Variants in HS6ST3 observed in about 807,000 individuals in gnomAD.
HS6ST3 encodes heparan-sulfate 6-O-sulfotransferase 3.
HS6ST3 carries 12 observed loss-of-function variants against 36.7 expected under a neutral mutation model. The ratio of observed to expected loss-of-function variants is 0.33; its 90% CI spans 0.21 to 0.53. HS6ST3 has a LOEUF of 0.53. Ranked by LOEUF, HS6ST3 falls within the 20% of genes least tolerant of loss-of-function variation. The probability of loss-of-function intolerance (pLI) is 0.95; values close to 1 mark genes in which losing one functional copy is unlikely to be tolerated. For synonymous variants in HS6ST3, 240 were observed against 257.5 expected (o/e 0.93, Z 0.65); for missense variants, 584 against 640.9 (o/e 0.91, Z 0.96).
At chr13:96,116,915 A>T (rs1282825126) in intron 1 of HS6ST3, among the ~76,000 whole-genome samples, 7 of 152,172 alleles carry the variant, frequency 4.6e-5, no homozygotes. Context: ...GAACATTTAT[A>T]TGAAGTAAGG....
chr13:96,184,296 T>A (rs182092371), intron 1 of HS6ST3, among the ~76,000 whole-genome samples: 4,027 of 151,254 alleles, frequency 0.027, 66 homozygotes, highest in East Asian at 0.076. Flanking sequence ...TTAAAAAAAA[T>A]TTTTTTAAGT....
chr13:96,503,727 T>C (rs1444322096), intron 1 of HS6ST3, among the ~76,000 whole-genome samples: 2 of 152,204 alleles, frequency 1.3e-5, no homozygotes, highest in Non-Finnish European at 2.9e-5. Flanking sequence ...TGCCATGCCA[T>C]GTGCTAACTA....
At chr13:96,382,161 T>C (rs939222820) in intron 1 of HS6ST3, among the ~76,000 whole-genome samples, 1 of 152,138 alleles carries the variant, frequency 6.6e-6, no homozygotes, top group Non-Finnish European at 1.5e-5. Context: ...CTAGAGGACC[T>C]TGTCAATGGA....
At chr13:96,665,323 G>A (rs1256497226) in intron 1 of HS6ST3, among the ~76,000 whole-genome samples, 1 of 152,238 alleles carries the variant, frequency 6.6e-6, no homozygotes, top group East Asian at 1.9e-4. Flanking sequence ...TAGCAATGGA[G>A]CTGGAGACAT....
chr13:96,485,093 T>G (rs1443067825), intron 1 of HS6ST3, among the ~76,000 whole-genome samples: 1 of 152,146 alleles, frequency 6.6e-6, no homozygotes, highest in African/African-American at 2.4e-5. Flanking sequence ...CATATAAACC[T>G]TAGAATCAGT....
chr13:96,354,661 A>G (rs2055200975), intron 1 of HS6ST3, among the ~76,000 whole-genome samples: 1 of 152,194 alleles, frequency 6.6e-6, no homozygotes, highest in Non-Finnish European at 1.5e-5. Flanking sequence ...TGTTACCATT[A>G]CAACAATGTA....
chr13:96,759,309 C>T (rs11841354), intron 1 of HS6ST3, among the ~76,000 whole-genome samples: 11,827 of 151,788 alleles, frequency 0.078, 834 homozygotes, highest in African/African-American at 0.18. Context: ...ATTATTTTAT[C>T]AGGTTTTAGT....
At chr13:96,294,690 T>C (rs1338361230) in intron 1 of HS6ST3, among the ~76,000 whole-genome samples, 1 of 152,156 alleles carries the variant, frequency 6.6e-6, no homozygotes, top group Non-Finnish European at 1.5e-5. Context: ...GATTATAAGT[T>C]TATATGCTTA....
intron 1 of HS6ST3, among the ~76,000 whole-genome samples, chr13:96,778,302 A>G (rs1226463634): frequency 6.6e-6 from 1 of 152,254 alleles, no homozygotes; most frequent in Non-Finnish European, 1.5e-5. Context: ...GGCAATGGCA[A>G]CAAAAGCCAA....
At chr13:96,715,543 T>TA (rs952914959) in intron 1 of HS6ST3, among the ~76,000 whole-genome samples, 17 of 152,070 alleles carry the variant, frequency 1.1e-4, no homozygotes, top group Admixed American at 9.2e-4. Context: ...ATTTAAAATT[T>TA]AAAAAAATTT....
chr13:96,735,241 G>T (rs533454716), intron 1 of HS6ST3, among the ~76,000 whole-genome samples: 1 of 151,370 alleles, frequency 6.6e-6, no homozygotes, highest in Non-Finnish European at 1.5e-5. Flanking sequence ...AAAAAAGAAC[G>T]TACAAAATTT....
intron 1 of HS6ST3, among the ~76,000 whole-genome samples, chr13:96,596,864 T>C (rs1333027802): frequency 6.6e-6 from 1 of 152,134 alleles, no homozygotes; most frequent in East Asian, 1.9e-4. Flanking sequence ...ATTTTTCGAC[T>C]ATAAAGACAC....
chr13:96,254,768 G>A (rs892962769), intron 1 of HS6ST3, among the ~76,000 whole-genome samples: 6 of 152,046 alleles, frequency 3.9e-5, no homozygotes, highest in Admixed American at 2.6e-4. Context: ...GTCTAGCTTA[G>A]CAAAACCAAA....
At chr13:96,319,369 A>T (rs1168213061) in intron 1 of HS6ST3, among the ~76,000 whole-genome samples, 1 of 152,206 alleles carries the variant, frequency 6.6e-6, no homozygotes. Flanking sequence ...CTATGGATAG[A>T]CCACATTTTG....
At chr13:96,441,306 G>A (rs911593045) in intron 1 of HS6ST3, among the ~76,000 whole-genome samples, 1 of 150,766 alleles carries the variant, frequency 6.6e-6, no homozygotes, top group Non-Finnish European at 1.5e-5. Flanking sequence ...TTTTTGATGA[G>A]TAGGGGACTG....
At chr13:96,105,334 C>T (rs936512836) in intron 1 of HS6ST3, among the ~76,000 whole-genome samples, 1 of 152,148 alleles carries the variant, frequency 6.6e-6, no homozygotes, top group Non-Finnish European at 1.5e-5. Context: ...CAAAACCTGA[C>T]ACAGACAATT....
chr13:96,107,947 C>T (rs909327426), intron 1 of HS6ST3, among the ~76,000 whole-genome samples: 2 of 151,976 alleles, frequency 1.3e-5, no homozygotes, highest in African/African-American at 4.8e-5. Flanking sequence ...ACAAATTGTT[C>T]GTAAAGCATG....
intron 1 of HS6ST3, among the ~76,000 whole-genome samples, chr13:96,612,840 C>T (rs957388762): frequency 6.6e-6 from 1 of 152,154 alleles, no homozygotes; most frequent in Non-Finnish European, 1.5e-5. Context: ...ACGTGTCCCT[C>T]TGTTACTCTC....
intron 1 of HS6ST3, among the ~76,000 whole-genome samples, chr13:96,629,710 T>C (rs1460188064): frequency 8.5e-5 from 13 of 152,204 alleles, no homozygotes; most frequent in Admixed American, 7.9e-4. Flanking sequence ...TTTCTAGGTG[T>C]GGATTTCTTT....
Sources: allele counts gnomAD v4.1 joint callset (sites outside exome capture counted in the v4.1 genomes callset), GRCh38; gene constraint gnomAD v4.1.1; transcripts MANE v1.5; gene names NCBI Gene and HGNC (gene_info 2026-07-23, HGNC 2026-07-21).